DAB1: variants seen among roughly 807,000 people sequenced by gnomAD.
The protein encoded by DAB1 is disabled homolog 1.
Under a neutral mutation model 64.6 loss-of-function variants are expected in DAB1, and 15 were observed. That is an observed-to-expected ratio of 0.23 (90% CI 0.16 to 0.36). The LOEUF is 0.36. Among genes scored for constraint, DAB1 ranks in the 10% least tolerant of loss-of-function variants. The pLI, the probability that DAB1 is intolerant of heterozygous loss-of-function variation, is 1.00. For missense variants in DAB1, 596 were observed against 706.7 expected, an observed-to-expected ratio of 0.84 and a Z score of 1.78; for synonymous variants, 235 against 251.9, an observed-to-expected ratio of 0.93 and a Z score of 0.64.
At chr1:58,225,339 T>C (rs1360210936) in intron 4 of DAB1, among the ~76,000 whole-genome samples, 2 of 152,036 alleles carry the variant, frequency 1.3e-5, no homozygotes, top group East Asian at 1.9e-4. Context: ...TGTGGAGAAA[T>C]AGGAACACTT....
chr1:57,219,029 C>T (rs1439136363), intron 2 of DAB1, among the ~76,000 whole-genome samples: 2 of 152,168 alleles, frequency 1.3e-5, no homozygotes, highest in Admixed American at 6.5e-5. Flanking sequence ...AAGCAAACCA[C>T]ACTAAACATT....
chr1:57,735,718 G>T (rs1647661302), intron 6 of DAB1, among the ~76,000 whole-genome samples: 1 of 133,044 alleles, frequency 7.5e-6, no homozygotes, highest in African/African-American at 2.8e-5. Flanking sequence ...TCAGTCTTTT[G>T]TCTTGACTTT....
intron 2 of DAB1, among the ~76,000 whole-genome samples, chr1:57,196,040 G>A (rs1176934392): frequency 6.6e-6 from 1 of 152,182 alleles, no homozygotes; most frequent in African/African-American, 2.4e-5. Context: ...GTGGTGATGG[G>A]GAGTAGGAGG....
At chr1:57,015,741 G>A (rs1160014917) in intron 11 of DAB1, among the ~76,000 whole-genome samples, 1 of 152,136 alleles carries the variant, frequency 6.6e-6, no homozygotes, top group East Asian at 1.9e-4. Context: ...TGTGTCTCAG[G>A]GACAGGGCAG....
chr1:57,962,018 C>T (rs1645536678), intron 5 of DAB1, among the ~76,000 whole-genome samples: 1 of 151,088 alleles, frequency 6.6e-6, no homozygotes, highest in African/African-American at 2.4e-5. Flanking sequence ...GCCAACTGAA[C>T]TTGGAGTTAA....
chr1:57,594,502 T>A (rs1645482885), intron 7 of DAB1, among the ~76,000 whole-genome samples: 1 of 152,110 alleles, frequency 6.6e-6, no homozygotes, highest in South Asian at 2.1e-4. Flanking sequence ...AGCAAGGTCA[T>A]AAATCTCTTC....
At chr1:57,085,203 G>T (rs1472353700) in intron 4 of DAB1, among the ~76,000 whole-genome samples, 1 of 152,156 alleles carries the variant, frequency 6.6e-6, no homozygotes, top group African/African-American at 2.4e-5. Context: ...CAGCACTGAG[G>T]CTGATGGCCA....
chr1:57,524,445 C>T (rs564992691), intron 7 of DAB1, among the ~76,000 whole-genome samples: 3 of 152,238 alleles, frequency 2.0e-5, no homozygotes, highest in Non-Finnish European at 4.4e-5. Context: ...TGTGTGAGCA[C>T]ATAGATGTTT....
chr1:57,649,831 A>G (rs969936013), intron 6 of DAB1, among the ~76,000 whole-genome samples: 9 of 152,262 alleles, frequency 5.9e-5, no homozygotes, highest in Admixed American at 5.2e-4. Flanking sequence ...GAAAAAGTCA[A>G]CAAATACAGA....
intron 6 of DAB1, among the ~76,000 whole-genome samples, chr1:57,811,291 C>CG (rs1482232498): frequency 2.0e-5 from 3 of 152,314 alleles, no homozygotes; most frequent in East Asian, 1.9e-4. Flanking sequence ...GATTAGATCA[C>CG]GGGGGTGGTT....
chr1:57,204,658 T>C (rs1665395066), intron 2 of DAB1, among the ~76,000 whole-genome samples: 2 of 152,140 alleles, frequency 1.3e-5, no homozygotes, highest in African/African-American at 2.4e-5. Context: ...TCAGTTTCCT[T>C]ATATGTATGG....
intron 2 of DAB1, among the ~76,000 whole-genome samples, chr1:57,202,372 G>C (rs908408209): frequency 1.3e-5 from 2 of 152,182 alleles, no homozygotes; most frequent in Non-Finnish European, 2.9e-5. Context: ...GATGAGGACA[G>C]ATTTTGTTGG....
At chr1:57,902,017 T>A (rs932972816) in intron 5 of DAB1, among the ~76,000 whole-genome samples, 3 of 151,846 alleles carry the variant, frequency 2.0e-5, no homozygotes, top group African/African-American at 7.3e-5. Context: ...TAGCTGGGCA[T>A]GGTAGTGCAC....
intron 2 of DAB1, among the ~76,000 whole-genome samples, chr1:57,248,509 CCAAA>C (rs1163516100): frequency 1.3e-5 from 2 of 152,102 alleles, no homozygotes; most frequent in Non-Finnish European, 2.9e-5. Flanking sequence ...TTTTTAAAAA[CCAAA>C]CAAACATATG....
intron 6 of DAB1, among the ~76,000 whole-genome samples, chr1:57,674,177 T>C (rs1646539684): frequency 6.6e-6 from 1 of 152,194 alleles, no homozygotes; most frequent in Non-Finnish European, 1.5e-5. Flanking sequence ...CTAGAAGTAA[T>C]TCTGTCTCAA....
At chr1:57,062,005 G>A (rs1394920350) in intron 9 of DAB1, among the ~76,000 whole-genome samples, 5 of 152,180 alleles carry the variant, frequency 3.3e-5, no homozygotes, top group Non-Finnish European at 7.3e-5. Context: ...AAAGTCACAT[G>A]TGCCCCCTGC....
chr1:58,053,320 T>C (rs1424068614), intron 5 of DAB1, among the ~76,000 whole-genome samples: 5 of 152,162 alleles, frequency 3.3e-5, no homozygotes, highest in Non-Finnish European at 5.9e-5. Context: ...AAAGGTTCAA[T>C]ATTGGGCATC....
At chr1:57,662,980 T>A (rs1646404569) in intron 6 of DAB1, among the ~76,000 whole-genome samples, 1 of 152,188 alleles carries the variant, frequency 6.6e-6, no homozygotes, top group African/African-American at 2.4e-5. Flanking sequence ...AAAATTTCAC[T>A]TTCTCTTAAA....
chr1:57,102,332 G>C (rs3768176), intron 4 of DAB1, among the ~76,000 whole-genome samples: 27,520 of 152,032 alleles, frequency 0.18, 3,086 homozygotes, highest in East Asian at 0.56. Context: ...ATGATGGCTT[G>C]AGATAAGCTT....
Sources: allele counts gnomAD v4.1 joint callset (sites outside exome capture counted in the v4.1 genomes callset), GRCh38; gene constraint gnomAD v4.1.1; transcripts MANE v1.5; gene names NCBI Gene and HGNC (gene_info 2026-07-23, HGNC 2026-07-21).